PRDM8: variants seen among roughly 807,000 people sequenced by gnomAD.
The protein encoded by PRDM8 is PR domain zinc finger protein 8.
PRDM8 carries 13 observed loss-of-function variants against 46.5 expected under a neutral mutation model. That is an observed-to-expected ratio of 0.28 (90% CI 0.18 to 0.44). The LOEUF (loss-of-function observed/expected upper bound fraction) is 0.44, where lower values mean the gene tolerates loss of function less well. PRDM8 is among the 20% of genes least tolerant of loss of function. The pLI is 1.00. For missense variants in PRDM8, 998 were observed against 955.0 expected, an observed-to-expected ratio of 1.04 and a Z score of -0.59; for synonymous variants, 473 against 438.4, an observed-to-expected ratio of 1.08 and a Z score of -0.98.
At chr4:80,186,976 A>G (rs1228271167) in intron 1 of PRDM8, among the ~76,000 whole-genome samples, 1 of 152,174 alleles carries the variant, frequency 6.6e-6, no homozygotes, top group Non-Finnish European at 1.5e-5. Flanking sequence ...TGTGGCTCTA[A>G]TACTGAATAC....
At chr4:80,189,526 T>A (rs1364342206) in intron 1 of PRDM8, among the ~76,000 whole-genome samples, 1 of 152,212 alleles carries the variant, frequency 6.6e-6, no homozygotes, top group Non-Finnish European at 1.5e-5. Context: ...CAGCCCTCGC[T>A]GGGTCACTTG....
chr4:80,191,179 T>C (rs1237235341), intron 1 of PRDM8, among the ~76,000 whole-genome samples: 1 of 152,232 alleles, frequency 6.6e-6, no homozygotes, highest in Admixed American at 6.5e-5. Context: ...CTAAAACTTA[T>C]TTTTAATTGC....
chr4:80,195,922 CACACACAGAGAGAG>C (rs1445516585), upstream of PRDM8: 1 of 180,566 alleles, frequency 5.5e-6, no homozygotes, highest in African/African-American at 3.1e-5. Context: ...CACACACACA[CACACACAGAGAGAG>C]AGAGAGAGAG....
At chr4:80,200,338 A>G (rs1170889163) in intron 2 of PRDM8, 39 bp downstream of exon 2, 3 of 1,535,110 alleles carry the variant, frequency 2.0e-6, no homozygotes, top group Non-Finnish European at 2.7e-6. Context: ...TATGAGGGTA[A>G]TGTCCTGTTG....
rs1738566649 is a variant in PRDM8, at chr4:80,202,404, G to A, written c.942G>A (p.Arg314=). The A allele has an allele frequency of 2.6e-6, 4 of 1,565,262 alleles. No individual in the cohort carries two copies. The highest frequency in any genetic ancestry group is 3.5e-6 in the Non-Finnish European group (4 of 1,155,858). The change falls in exon 4 of 4, where the codon AGG becomes AGA. Residue 314 remains arginine (R), a synonymous_variant. Coordinates refer to ENST00000415738, the MANE Select transcript of PRDM8 (RefSeq NM_001099403.2). ...CCACGGGCGGCGGCAAAGGAAAGAG[G>A]AAATTCCCGGAGGAGGCGGCGGAGG... is the stretch of plus-strand genomic sequence containing the variant. ...GIATGGGKGK[R]KFPEEAAEGG...
At position 80,188,640 on chromosome 4, in the gene PRDM8, C is replaced by T. The variant is rs1047567673; in HGVS notation, c.-982-2832C>T. Among the ~76,000 whole-genome samples the T allele has an allele frequency of 2.0e-5, 3 of 152,342 alleles. No individual in the cohort carries two copies. In the East Asian group the frequency reaches 5.8e-4, roughly 29 times the overall value. ...ACCTCTTAACCACTGCCTCTTGGAT[C>T]CTTCAGGAGGAAGAGCAACTGGGAA... On this transcript the variant is annotated intron_variant, in intron 1 of 9. Transcript: ENST00000339711.
chr4:80,192,949 C>T (rs1387285130), upstream of PRDM8, among the ~76,000 whole-genome samples: 1 of 152,188 alleles, frequency 6.6e-6, no homozygotes, highest in Admixed American at 6.5e-5. Flanking sequence ...CTATCCCATT[C>T]TCAGCTGAAC....
In PRDM8 at chr4:80,203,742, C is replaced by A. The variant is rs1376382276; in HGVS notation, c.*210C>A. On this transcript the variant is annotated 3_prime_UTR_variant, in exon 4 of 4. Coordinates refer to ENST00000415738, the MANE Select transcript of PRDM8 (RefSeq NM_001099403.2). ...AAATATTTACCCGGGACACACACCC[C>A]CCCCCACACACACACACAGACACAC... 8.3e-6 allele frequency: 4 copies of A among 483,836 alleles called. No individual in the cohort carries two copies. Among genetic ancestry groups the A allele is most frequent in the African/African-American group, 6.4e-5 (3 of 47,218 alleles). The allele number at this position is 483,836 out of a possible 1,614,324, so 30.0% of individuals were successfully genotyped here.
rs1738538996 is a variant in PRDM8 at position 80,202,215 on chromosome 4, C to T, written c.753C>T (p.Gly251=). The change falls in exon 4 of 4, where the codon GGC becomes GGT. Residue 251 remains glycine (G), a synonymous_variant. Coordinates refer to ENST00000415738, the MANE Select transcript of PRDM8 (RefSeq NM_001099403.2). The part of the protein sequence containing the change: ...PESSNPSAAA[G]GSSAKPSTDF... The stretch of plus-strand genomic sequence containing the variant: ...GCAGCAACCCATCCGCTGCCGCCGG[C>T]GGCAGCAGCGCGAAGCCATCCACAG... 7 of 1,611,964 alleles carry T rather than the reference C, an allele frequency of 4.3e-6. No individual in the cohort carries two copies. Among genetic ancestry groups the T allele is most frequent in the Admixed American group, 1.7e-5 (1 of 59,972 alleles).
In PRDM8 at chr4:80,202,788, G is replaced by A. The variant is rs1457933397; in HGVS notation, c.1326G>A (p.Gly442=). 1 of 1,237,560 alleles carries A rather than the reference G, an allele frequency of 8.1e-7. No homozygotes were observed. The highest frequency in any genetic ancestry group is 3.3e-5 in the East Asian group (1 of 30,438). 76.7% of individuals were successfully genotyped at this position (1,237,560 alleles called of 1,614,324 possible). A position where few individuals can be genotyped will look rare whatever the true frequency, so the allele number is the denominator to read the frequency against. ...GAEKLLAPRP[G]GPLPSRLEGG... The stretch of plus-strand genomic sequence containing the variant: ...AGAAGCTGCTGGCCCCGCGGCCTGG[G>A]GGCCCGCTGCCCAGCCGGCTCGAGG... The change falls in exon 4 of 4, where the codon GGG becomes GGA. Residue 442 remains glycine (G), a synonymous_variant. Coordinates refer to ENST00000415738, the MANE Select transcript of PRDM8 (RefSeq NM_001099403.2).
intron 2 of PRDM8, among the ~76,000 whole-genome samples, chr4:80,191,872 A>G (rs528308847): frequency 1.2e-3 from 180 of 152,332 alleles, no homozygotes; most frequent in African/African-American, 4.1e-3. Flanking sequence ...AATATGAGCA[A>G]GGGAGCAGTT....
upstream of PRDM8, chr4:80,196,985 G>T: frequency 2.0e-6 from 2 of 985,440 alleles, no homozygotes; most frequent in East Asian, 1.1e-4. Flanking sequence ...TAGTGTTGGC[G>T]CTCCTGAAGA....
chr4:80,196,335 G>T, upstream of PRDM8: 2 of 985,294 alleles, frequency 2.0e-6, no homozygotes, highest in South Asian at 9.4e-5. Flanking sequence ...ACCACTCAAA[G>T]GCCTTTCTTC....
chr4:80,201,547 G>A, intron 3 of PRDM8, 26 bp downstream of exon 3: 1 of 1,603,314 alleles, frequency 6.2e-7, no homozygotes, highest in Non-Finnish European at 8.5e-7. Flanking sequence ...ACCGGCGTGT[G>A]GGCCCTTAAC....
intron 1 of PRDM8, among the ~76,000 whole-genome samples, chr4:80,198,460 T>C (rs1329519414): frequency 1.3e-5 from 2 of 152,096 alleles, no homozygotes; most frequent in Non-Finnish European, 2.9e-5. Flanking sequence ...GGTTATGGGG[T>C]TTTTAAAATG....
rs751889534 is a variant in PRDM8, at chr4:80,202,305, G to A, written c.843G>A (p.Gln281=). ...SRGGSSCSPA[Q]SLSSGSGSGG... ...GAGGCAGCAGCTGCTCCCCAGCCCA[G>A]AGCCTCAGCAGCGGTAGCGGCAGCG... Residue 281 remains glutamine (Q), a synonymous_variant, in exon 4 of 4, where the codon CAG becomes CAA. Transcript: ENST00000415738. 1 of 1,605,482 alleles carries A rather than the reference G, an allele frequency of 6.2e-7. No individual in the cohort carries two copies. The highest frequency in any genetic ancestry group is 8.5e-7 in the Non-Finnish European group (1 of 1,177,142).
chr4:80,198,645 G>C (rs1393220760), intron 1 of PRDM8, among the ~76,000 whole-genome samples: 2 of 152,144 alleles, frequency 1.3e-5, no homozygotes, highest in Non-Finnish European at 2.9e-5. Flanking sequence ...AGGATGAATG[G>C]AAAATGAGGC....
rs1738703576 is a variant in PRDM8 at position 80,203,198 on chromosome 4, C to T, written c.1736C>T (p.Thr579Ile). The T allele has an allele frequency of 1.9e-6, 3 of 1,551,006 alleles. No homozygotes were observed. The highest frequency in any genetic ancestry group is 2.6e-6 in the Non-Finnish European group (3 of 1,150,898). Residue 579 changes from threonine to isoleucine, a missense_variant, in exon 4 of 4, where the codon ACC (threonine) becomes ATC (isoleucine). Coordinates refer to ENST00000415738, the MANE Select transcript of PRDM8 (RefSeq NM_001099403.2). ...AAGCAGAGCCCCTTCCTGTACGCCA[C>T]CGCCTTCTGGCCCAAGAGCTCCGCT... ...LPKQSPFLYA[T>I]AFWPKSSAAA... is the part of the protein sequence containing the mutation.
upstream of PRDM8, chr4:80,194,281 A>C (rs1443540135): frequency 2.2e-6 from 2 of 903,658 alleles, no homozygotes; most frequent in Non-Finnish European, 2.6e-6. Flanking sequence ...CTAATTACTT[A>C]ATTGGAAATA....
Sources: allele counts gnomAD v4.1 joint callset (sites outside exome capture counted in the v4.1 genomes callset), GRCh38; gene constraint gnomAD v4.1.1; transcripts MANE v1.5; gene names NCBI Gene and HGNC (gene_info 2026-07-23, HGNC 2026-07-21).